The following HS6ST3 variants were observed in gnomAD, a reference collection of about 807,000 sequenced individuals.
HS6ST3 encodes the protein heparan-sulfate 6-O-sulfotransferase 3.
In HS6ST3, 12 loss-of-function variants were observed where a neutral mutation model predicts 36.7. The ratio of observed to expected loss-of-function variants is 0.33; its 90% CI spans 0.21 to 0.53. HS6ST3 has a LOEUF of 0.53. Among genes scored for constraint, HS6ST3 ranks in the 20% least tolerant of loss-of-function variants. The pLI, the probability that HS6ST3 is intolerant of heterozygous loss-of-function variation, is 0.95. For synonymous variants in HS6ST3, 240 were observed against 257.5 expected, an observed-to-expected ratio of 0.93 and a Z score of 0.65; for missense variants, 584 against 640.9, an observed-to-expected ratio of 0.91 and a Z score of 0.96.
At chr13:96,736,577 G>T (rs766298514) in intron 1 of HS6ST3, among the ~76,000 whole-genome samples, 3 of 152,076 alleles carry the variant, frequency 2.0e-5, no homozygotes, top group Non-Finnish European at 2.9e-5. Context: ...AACCTAAATA[G>T]CAGAATTAAC....
rs969108777 is a variant in HS6ST3 at position 96,090,435 on chromosome 13, G to C, written c.-428G>C. On this transcript the variant is annotated 5_prime_UTR_variant, in exon 1 of 2. Transcript: ENST00000376705. ...GCCCTGGCGAGCCTCATGCAGCCCC[G>C]GCGCTCGCGGCCGCAGCTACCCGGC... Among the ~76,000 whole-genome samples, 1 of 146,304 alleles carries C rather than the reference G, an allele frequency of 6.8e-6. No homozygotes were observed. Among genetic ancestry groups the C allele is most frequent in the East Asian group, 2.0e-4 (1 of 5,086 alleles).
chr13:96,230,326 A>G (rs922116439), intron 1 of HS6ST3, among the ~76,000 whole-genome samples: 3 of 152,140 alleles, frequency 2.0e-5, no homozygotes, highest in South Asian at 2.1e-4. Flanking sequence ...CTTGGAACGG[A>G]GAGGGTAGAA....
intron 1 of HS6ST3, among the ~76,000 whole-genome samples, chr13:96,556,798 AG>A (rs2056242723): frequency 6.6e-6 from 1 of 152,178 alleles, no homozygotes; most frequent in South Asian, 2.1e-4. Context: ...AGGAAACAAT[AG>A]GAACTGTAGC....
At chr13:96,739,219 TTGTGTGTGTGTGTGTGTGTGTGTGTG>T (rs3138578) in intron 1 of HS6ST3, among the ~76,000 whole-genome samples, 9 of 126,236 alleles carry the variant, frequency 7.1e-5, no homozygotes, top group East Asian at 4.6e-4. Flanking sequence ...CGACATTTGC[TTGTGTGTGTGTGTGTGTGTGTGTGTG>T]TGTGTGTGTG....
chr13:96,476,283 G>C (rs541175410), intron 1 of HS6ST3, among the ~76,000 whole-genome samples: 1 of 152,112 alleles, frequency 6.6e-6, no homozygotes, highest in African/African-American at 2.4e-5. Flanking sequence ...CTTTAGACAC[G>C]TACAATGGAT....
intron 1 of HS6ST3, among the ~76,000 whole-genome samples, chr13:96,760,188 A>G (rs1277108878): frequency 6.6e-6 from 1 of 152,024 alleles, no homozygotes. Context: ...ATATTGCACT[A>G]CCATGGGAAC....
intron 1 of HS6ST3, among the ~76,000 whole-genome samples, chr13:96,454,152 A>C (rs1179078932): frequency 2.0e-5 from 3 of 152,100 alleles, no homozygotes; most frequent in Non-Finnish European, 4.4e-5. Context: ...GTCAAGATTG[A>C]ATATGTTGCA....
intron 1 of HS6ST3, among the ~76,000 whole-genome samples, chr13:96,747,658 AC>A (rs1178000418): frequency 1.3e-5 from 2 of 152,046 alleles, no homozygotes; most frequent in African/African-American, 4.8e-5. Flanking sequence ...TAATCTAGCT[AC>A]TAATATATAT....
At chr13:96,597,236 C>A (rs142639308) in intron 1 of HS6ST3, among the ~76,000 whole-genome samples, 185 of 151,962 alleles carry the variant, frequency 1.2e-3, no homozygotes, top group African/African-American at 4.4e-3. Flanking sequence ...ATAACTAATG[C>A]ATGCTAGGCT....
intron 1 of HS6ST3, among the ~76,000 whole-genome samples, chr13:96,231,134 G>A (rs1260076696): frequency 6.6e-6 from 1 of 152,114 alleles, no homozygotes; most frequent in East Asian, 1.9e-4. Context: ...ATGTGTGCAT[G>A]TTGAGGGAGG....
intron 1 of HS6ST3, among the ~76,000 whole-genome samples, chr13:96,492,606 G>C (rs926628507): frequency 2.8e-4 from 42 of 152,128 alleles, no homozygotes; most frequent in African/African-American, 9.4e-4. Context: ...TTTCTAAGAG[G>C]GCAATTTTAT....
At chr13:96,512,806 G>T (rs760651154) in intron 1 of HS6ST3, among the ~76,000 whole-genome samples, 9 of 151,648 alleles carry the variant, frequency 5.9e-5, no homozygotes, top group African/African-American at 9.7e-5. Flanking sequence ...TTTTCTGTGG[G>T]TAATTATATC....
chr13:96,564,130 C>T lies in HS6ST3; in HGVS notation c.708-268360C>T, dbSNP rs115759631. Reference sequence around the variant, plus strand: ...TAACAAGTTCAGCAAGTGGTGTCAGCTGCATTTTGAAAGTTTCCACAGAGC... The same window carrying T: ...TAACAAGTTCAGCAAGTGGTGTCAGTTGCATTTTGAAAGTTTCCACAGAGC... On this transcript the variant is annotated intron_variant, in intron 1 of 1. Coordinates refer to ENST00000376705, the MANE Select transcript of HS6ST3 (RefSeq NM_153456.4). 3.1e-3 allele frequency among the ~76,000 whole-genome samples: 466 copies of T among 152,280 alleles called. 4 individuals carry two copies. Among genetic ancestry groups the T allele is most frequent in the African/African-American group, 0.01 (425 of 41,564 alleles).
At chr13:96,503,060 C>A (rs1409396513) in intron 1 of HS6ST3, among the ~76,000 whole-genome samples, 1 of 152,074 alleles carries the variant, frequency 6.6e-6, no homozygotes, top group Non-Finnish European at 1.5e-5. Flanking sequence ...AGTTTTTCTT[C>A]TTAAATGAAA....
In HS6ST3 at chr13:96,360,010, C is replaced by T. The variant is rs561129335; in HGVS notation, c.707+268441C>T. Reference sequence around the variant, plus strand: ...GTCCATGGGGAAGTTGGAGAAGTGACGTAGTCTAGGTCATCCACATAGAAA... The same window carrying T: ...GTCCATGGGGAAGTTGGAGAAGTGATGTAGTCTAGGTCATCCACATAGAAA... On this transcript the variant is annotated intron_variant, in intron 1 of 1. Coordinates refer to ENST00000376705, the MANE Select transcript of HS6ST3 (RefSeq NM_153456.4). 1.4e-4 allele frequency among the ~76,000 whole-genome samples: 22 copies of T among 152,158 alleles called. 1 individual carries two copies. In the South Asian group the frequency reaches 3.7e-3, roughly 26 times the overall value.
chr13:96,105,339 A>G (rs2053836782), intron 1 of HS6ST3, among the ~76,000 whole-genome samples: 1 of 152,156 alleles, frequency 6.6e-6, no homozygotes. Flanking sequence ...CCTGACACAG[A>G]CAATTCCTTA....
intron 1 of HS6ST3, among the ~76,000 whole-genome samples, chr13:96,602,644 C>T (rs114590560): frequency 1.8e-3 from 267 of 152,248 alleles, no homozygotes; most frequent in African/African-American, 6.3e-3. Context: ...CTAAAGTTGT[C>T]CCAGCAGTAG....
chr13:96,434,939 T>A (rs986456291), intron 1 of HS6ST3, among the ~76,000 whole-genome samples: 3 of 152,164 alleles, frequency 2.0e-5, no homozygotes, highest in Non-Finnish European at 1.5e-5. Flanking sequence ...GCCCCTATAA[T>A]GGAGTTGTTT....
At chr13:96,659,838 C>T (rs1350671814) in intron 1 of HS6ST3, among the ~76,000 whole-genome samples, 1 of 152,032 alleles carries the variant, frequency 6.6e-6, no homozygotes, top group Non-Finnish European at 1.5e-5. Context: ...ACTATCTCTT[C>T]TGTTGATACA....
Sources: allele counts gnomAD v4.1 joint callset (sites outside exome capture counted in the v4.1 genomes callset), GRCh38; gene constraint gnomAD v4.1.1; transcripts MANE v1.5; gene names NCBI Gene and HGNC (gene_info 2026-07-23, HGNC 2026-07-21).